The following MSH6 variants were observed in gnomAD, a reference collection of about 807,000 sequenced individuals.
MSH6 encodes DNA mismatch repair protein Msh6.
Under a neutral mutation model 119.1 loss-of-function variants are expected in MSH6, and 85 were observed. The ratio of observed to expected loss-of-function variants is 0.71; its 90% CI spans 0.60 to 0.85. The LOEUF is 0.85. Ranked by LOEUF, MSH6 falls within the 40% of genes least tolerant of loss-of-function variation. MSH6 has a pLI of 0.00. For synonymous variants in MSH6, 830 were observed against 586.9 expected, an observed-to-expected ratio of 1.41 and a Z score of -5.99; for missense variants, 2,163 against 1,655.3, an observed-to-expected ratio of 1.31 and a Z score of -5.32.
chr2:47,786,644 G>A (rs1039590800), intron 1 of MSH6, among the ~76,000 whole-genome samples: 3 of 151,916 alleles, frequency 2.0e-5, no homozygotes, highest in African/African-American at 7.3e-5. Flanking sequence ...GTGAGCCACC[G>A]TGTCTGTCCG....
chr2:47,799,271 G>T lies in MSH6; in HGVS notation c.1288G>T (p.Gly430Trp). 6.2e-7 allele frequency: 1 copy of T among 1,614,020 alleles called. No individual in the cohort carries two copies. The highest frequency in any genetic ancestry group is 8.5e-7 in the Non-Finnish European group (1 of 1,180,024). ...NFDLVICYKV[G>W]KFYELYHMDA... ...TGATCTTGTCATCTGTTACAAGGTGGGGAAATTTTATGAGCTGTACCACAT... is the reference window on the plus strand; with the variant it reads ...TGATCTTGTCATCTGTTACAAGGTGTGGAAATTTTATGAGCTGTACCACAT... The change falls in exon 4 of 10, where the codon GGG (glycine) becomes TGG (tryptophan). Residue 430 changes from glycine to tryptophan, a missense_variant. Transcript: ENST00000234420.
At chr2:47,783,535 C>A in intron 1 of MSH6, 42 bp downstream of exon 1, 1 of 1,337,408 alleles carries the variant, frequency 7.5e-7, no homozygotes. Context: ...GGCATAGCGG[C>A]GGGGCGCTTG....
intron 1 of MSH6, among the ~76,000 whole-genome samples, chr2:47,787,245 C>G (rs1417350383): frequency 1.3e-5 from 2 of 152,168 alleles, no homozygotes; most frequent in Admixed American, 1.3e-4. Flanking sequence ...GCCAAGAGAT[C>G]ATGCCATGCA....
chr2:47,789,751 G>T (rs1194391147), intron 1 of MSH6, among the ~76,000 whole-genome samples: 3 of 152,144 alleles, frequency 2.0e-5, no homozygotes, highest in Non-Finnish European at 4.4e-5. Context: ...TTTATCTCTA[G>T]ATTACGTACA....
At chr2:47,803,298 T>G (rs1669720508) in intron 4 of MSH6, 122 bp from the exon 5 acceptor site, 11 of 1,302,986 alleles carry the variant, frequency 8.4e-6, no homozygotes, top group South Asian at 4.9e-5. Context: ...GGGAGATCGT[T>G]GGACTGTAAT....
Position 47,803,434 on chromosome 2 carries a change from C to G in MSH6, c.3187C>G (p.Leu1063Val), listed in dbSNP as rs1553331257. The G allele has an allele frequency of 1.2e-6, 2 of 1,614,150 alleles. No homozygotes were observed. The highest frequency in any genetic ancestry group is 2.2e-5 in the East Asian group (1 of 44,884). Residue 1063 changes from leucine to valine, a missense_variant, in exon 5 of 10, where the codon CTG becomes GTG. Coordinates refer to ENST00000234420, the MANE Select transcript of MSH6 (RefSeq NM_000179.3). Reference protein sequence around the residue: ...CIAVLDVLLCLANYSRGGDGP... With the variant: ...CIAVLDVLLCVANYSRGGDGP... Reference sequence around the variant, plus strand: ...TCTTTTAACAGATGTTTTACTGTGCCTGGCTAACTATAGTCGAGGGGGTGA... The same window carrying G: ...TCTTTTAACAGATGTTTTACTGTGCGTGGCTAACTATAGTCGAGGGGGTGA...
At chr2:47,788,991 T>G (rs1668564284) in intron 1 of MSH6, among the ~76,000 whole-genome samples, 1 of 140,900 alleles carries the variant, frequency 7.1e-6, no homozygotes, top group Non-Finnish European at 1.5e-5. Context: ...AGTGGCGTTT[T>G]CTTGGCTCAC....
intron 2 of MSH6, among the ~76,000 whole-genome samples, chr2:47,793,645 TAAATA>T (rs992710190): frequency 6.1e-5 from 9 of 147,034 alleles, no homozygotes; most frequent in Admixed American, 3.4e-4. Flanking sequence ...AATAAAATAA[TAAATA>T]AAGTAAAAAG....
downstream of MSH6, chr2:47,809,342 C>G (rs1259787037): frequency 7.4e-6 from 7 of 943,540 alleles, no homozygotes; most frequent in East Asian, 2.6e-5. Flanking sequence ...TAGGATTATT[C>G]TAACAGAAGA....
rs374748889 is a variant in MSH6, at chr2:47,783,232, G to T, written c.-2G>T. 20 of 1,611,176 alleles carry T rather than the reference G, an allele frequency of 1.2e-5. No homozygotes were observed. Among genetic ancestry groups the T allele is most frequent in the East Asian group, 9.0e-5 (4 of 44,672 alleles). On this transcript the variant is annotated 5_prime_UTR_variant, in exon 1 of 10. Coordinates refer to ENST00000234420, the MANE Select transcript of MSH6 (RefSeq NM_000179.3). The stretch of plus-strand genomic sequence containing the variant: ...AACGGTTGGGCCTTGCCGGCTGTCG[G>T]TATGTCGCGACAGAGCACCCTGTAC...
At position 47,805,638 on chromosome 2, in the gene MSH6, G is replaced by C. The variant is rs63751328; in HGVS notation, c.3577G>C (p.Glu1193Gln). ...IMSGESTFFV[E>Q]LSETASILMH... The stretch of plus-strand genomic sequence containing the variant: ...TTAAGGTGAAAGTACATTTTTTGTT[G>C]AATTAAGTGAAACTGCCAGCATACT... The change falls in exon 7 of 10, where the codon GAA becomes CAA. Residue 1193 changes from glutamate (E) to glutamine (Q), a missense_variant. Physicochemically the swap from Glu to Gln is conservative, Grantham distance 29. Transcript: ENST00000234420. 6.2e-7 allele frequency: 1 copy of C among 1,605,972 alleles called. No individual in the cohort carries two copies. The highest frequency in any genetic ancestry group is 1.7e-5 in the Admixed American group (1 of 59,720).
At position 47,805,353 on chromosome 2, in the gene MSH6, G is replaced by T. The variant is rs142189078; in HGVS notation, c.3557-265G>T. Among the ~76,000 whole-genome samples the T allele has an allele frequency of 0.054, 8,189 of 152,084 alleles. 238 individuals carry two copies. The highest frequency in any genetic ancestry group is 0.068 in the Non-Finnish European group (4,618 of 67,968). ...TGCCATCACGCCCAGCTAATTTTTT[G>T]TATTTTTAGTAGAAGCGGGGTTTCA... On this transcript the variant is annotated intron_variant, in intron 6 of 9. Coordinates refer to ENST00000234420, the MANE Select transcript of MSH6 (RefSeq NM_000179.3).
At chr2:47,804,556 A>G (rs74533980) in intron 5 of MSH6, among the ~76,000 whole-genome samples, 8,831 of 151,122 alleles carry the variant, frequency 0.058, 363 homozygotes, top group Non-Finnish European at 0.086. Context: ...AAAAAGGTGC[A>G]GAGATTCCAT....
At chr2:47,796,450 C>G (rs1454962419) in intron 3 of MSH6, among the ~76,000 whole-genome samples, 1 of 152,164 alleles carries the variant, frequency 6.6e-6, no homozygotes. Flanking sequence ...CTATGTTGCC[C>G]AGGCTGGTCT....
chr2:47,794,036 ATT>A (rs1283543612), intron 2 of MSH6, among the ~76,000 whole-genome samples: 2 of 120,182 alleles, frequency 1.7e-5, no homozygotes, highest in Non-Finnish European at 3.5e-5. Context: ...GCCCAGAATG[ATT>A]TTTAAAAAGA....
At chr2:47,795,496 T>C (rs1669026546) in intron 2 of MSH6, among the ~76,000 whole-genome samples, 1 of 150,270 alleles carries the variant, frequency 6.7e-6, no homozygotes, top group South Asian at 2.1e-4. Context: ...GACAGGGTCT[T>C]GCACTGTCGC....
chr2:47,788,067 C>A (rs1348861293), intron 1 of MSH6, among the ~76,000 whole-genome samples: 1 of 152,028 alleles, frequency 6.6e-6, no homozygotes, highest in Non-Finnish European at 1.5e-5. Flanking sequence ...TTACACAATA[C>A]ATTTTACTAC....
chr2:47,808,655 G>A (rs561574873), downstream of MSH6: 13 of 425,454 alleles, frequency 3.1e-5, no homozygotes, highest in Non-Finnish European at 5.4e-5. Context: ...TATAAAGGCA[G>A]TTCTTTCCAC....
rs1553331777 is a variant in MSH6 at position 47,803,681 on chromosome 2, G to C, written c.3434G>C (p.Arg1145Thr). 1 of 1,614,182 alleles carries C rather than the reference G, an allele frequency of 6.2e-7. No homozygotes were observed. The highest frequency in any genetic ancestry group is 8.5e-7 in the Non-Finnish European group (1 of 1,180,034). The part of the protein sequence containing the change: ...PNMGGKSTLM[R>T]QAGLLAVMAQ... Reference sequence around the variant, plus strand: ...ATGGGGGGCAAGTCTACGCTTATGAGACAGGTAACTGATTCTTAAAGTTTT... The same window carrying C: ...ATGGGGGGCAAGTCTACGCTTATGACACAGGTAACTGATTCTTAAAGTTTT... The change falls in exon 5 of 10, where the codon AGA becomes ACA. Residue 1145 changes from arginine (R) to threonine (T), a missense_variant. Physicochemically the swap from Arg to Thr is moderately conservative, Grantham distance 71. Coordinates refer to ENST00000234420, the MANE Select transcript of MSH6 (RefSeq NM_000179.3).
Sources: gnomAD v4.1 joint callset for allele counts (sites outside exome capture counted in the v4.1 genomes callset) on GRCh38, gnomAD v4.1.1 for gene constraint, MANE v1.5 for transcripts, NCBI Gene and HGNC (gene_info 2026-07-23, HGNC 2026-07-21) for gene names.